The following PACRG variants were observed in gnomAD, a reference collection of about 807,000 sequenced individuals.
PACRG encodes the protein parkin coregulated gene protein.
In PACRG, 29 loss-of-function variants were observed where a neutral mutation model predicts 29.7. The observed-to-expected ratio is 0.98, with a 90% CI of 0.73 to 1.33. The LOEUF (loss-of-function observed/expected upper bound fraction) is 1.33, where lower values mean the gene tolerates loss of function less well. Ranked by LOEUF, PACRG falls within the 40% of genes most tolerant of loss-of-function variation. PACRG has a pLI of 0.00. For missense variants in PACRG, 279 were observed against 316.2 expected (o/e 0.88, Z 0.89); for synonymous variants, 116 against 118.7 (o/e 0.98, Z 0.15).
intron 4 of PACRG, among the ~76,000 whole-genome samples, chr6:163,163,019 A>C (rs1778622995): frequency 2.0e-5 from 3 of 152,190 alleles, no homozygotes. Flanking sequence ...TGCTAATGGA[A>C]TCGTGTCCTA....
chr6:163,102,333 A>T (rs1326518001), intron 4 of PACRG, among the ~76,000 whole-genome samples: 1 of 152,176 alleles, frequency 6.6e-6, no homozygotes, highest in Non-Finnish European at 1.5e-5. Flanking sequence ...TGGCAAAAAG[A>T]GTGCTGTTTA....
At chr6:163,172,492 ACACG>A (rs1285510142) in intron 4 of PACRG, among the ~76,000 whole-genome samples, 1 of 152,250 alleles carries the variant, frequency 6.6e-6, no homozygotes, top group Non-Finnish European at 1.5e-5. Context: ...ATGCACACAC[ACACG>A]CATGCATGCA....
chr6:163,173,631 T>C (rs888994089), intron 4 of PACRG, among the ~76,000 whole-genome samples: 1 of 152,200 alleles, frequency 6.6e-6, no homozygotes, highest in Non-Finnish European at 1.5e-5. Context: ...AAGTGGCATA[T>C]GGTTTTTGCC....
At chr6:163,288,109 T>C (rs1354694470) in intron 4 of PACRG, among the ~76,000 whole-genome samples, 2 of 152,246 alleles carry the variant, frequency 1.3e-5, no homozygotes, top group African/African-American at 2.4e-5. Flanking sequence ...TAATGGCTAG[T>C]TGCAGAAGCT....
intron 2 of PACRG, among the ~76,000 whole-genome samples, chr6:163,010,219 C>A (rs1428745138): frequency 6.6e-6 from 1 of 152,180 alleles, no homozygotes; most frequent in African/African-American, 2.4e-5. Flanking sequence ...ATGAACTGTT[C>A]TTTAATTGTT....
intron 2 of PACRG, among the ~76,000 whole-genome samples, chr6:162,911,792 T>C (rs56309509): frequency 0.049 from 7,529 of 152,212 alleles, 251 homozygotes; most frequent in Admixed American, 0.095. Flanking sequence ...TGCTGTGACC[T>C]AGGGCTAGTG....
chr6:162,744,841 C>G (rs1366950283), intron 1 of PACRG, among the ~76,000 whole-genome samples: 1 of 151,922 alleles, frequency 6.6e-6, no homozygotes, highest in Non-Finnish European at 1.5e-5. Flanking sequence ...CAAAAGAAAA[C>G]AAGTTATAAA....
chr6:162,870,778 A>T (rs1792737894), intron 2 of PACRG, among the ~76,000 whole-genome samples: 1 of 152,208 alleles, frequency 6.6e-6, no homozygotes, highest in Non-Finnish European at 1.5e-5. Flanking sequence ...GAAATTTCTG[A>T]TATAATAAAG....
intron 2 of PACRG, among the ~76,000 whole-genome samples, chr6:162,844,387 A>T (rs755298415): frequency 6.6e-5 from 10 of 152,156 alleles, no homozygotes; most frequent in Admixed American, 6.5e-4. Context: ...CCCCTCTCTG[A>T]CTCCGAAGGG....
intron 1 of PACRG, among the ~76,000 whole-genome samples, chr6:162,755,936 T>A (rs1469882486): frequency 6.6e-6 from 1 of 152,212 alleles, no homozygotes; most frequent in African/African-American, 2.4e-5. Flanking sequence ...TTGTTTAATT[T>A]CTGCATATTT....
At chr6:162,727,754 T>G, upstream of PACRG, 5 of 1,412,580 alleles carry the variant, frequency 3.5e-6, no homozygotes, top group Non-Finnish European at 3.9e-6. Context: ...GCGGCTCTCC[T>G]GGGTTAAATC....
At chr6:162,975,674 A>G (rs1380336728) in intron 2 of PACRG, among the ~76,000 whole-genome samples, 4 of 152,042 alleles carry the variant, frequency 2.6e-5, no homozygotes, top group African/African-American at 9.7e-5. Flanking sequence ...TTTTATATCT[A>G]TTCGAAATTA....
intron 3 of PACRG, among the ~76,000 whole-genome samples, chr6:163,069,159 G>A (rs563651626): frequency 4.3e-4 from 65 of 151,518 alleles, no homozygotes; most frequent in Non-Finnish European, 8.5e-4. Flanking sequence ...AAGTCCTTTC[G>A]AATATCTGAA....
At chr6:163,023,959 A>C (rs1451247111) in intron 2 of PACRG, among the ~76,000 whole-genome samples, 1 of 152,074 alleles carries the variant, frequency 6.6e-6, no homozygotes, top group Non-Finnish European at 1.5e-5. Context: ...TAAGTTCCCT[A>C]GAGATTCTGC....
At chr6:163,151,354 A>T (rs1003193859) in intron 4 of PACRG, among the ~76,000 whole-genome samples, 5 of 152,152 alleles carry the variant, frequency 3.3e-5, no homozygotes, top group Non-Finnish European at 5.9e-5. Context: ...CAAATTCCAC[A>T]GTGTAGACTG....
chr6:162,972,164 G>C (rs1168405622), intron 2 of PACRG, among the ~76,000 whole-genome samples: 1 of 152,146 alleles, frequency 6.6e-6, no homozygotes, highest in African/African-American at 2.4e-5. Flanking sequence ...TTCAAGACCT[G>C]GCTTCCCTTA....
At chr6:162,864,680 A>G (rs1465618318) in intron 2 of PACRG, among the ~76,000 whole-genome samples, 1 of 152,226 alleles carries the variant, frequency 6.6e-6, no homozygotes, top group East Asian at 1.9e-4. Flanking sequence ...TTTCACTAAA[A>G]TAAACTTTCA....
At chr6:162,733,172 T>A (rs998473699) in intron 1 of PACRG, among the ~76,000 whole-genome samples, 1 of 152,172 alleles carries the variant, frequency 6.6e-6, no homozygotes, top group African/African-American at 2.4e-5. Flanking sequence ...TCAAGAAGCT[T>A]ATATTTTTGT....
chr6:163,107,556 A>G (rs1815452431), intron 4 of PACRG, among the ~76,000 whole-genome samples: 4 of 152,212 alleles, frequency 2.6e-5, no homozygotes, highest in African/African-American at 7.2e-5. Flanking sequence ...CTTAACTAAT[A>G]CAATTTCAAT....
Sources: gnomAD v4.1 joint callset for allele counts (sites outside exome capture counted in the v4.1 genomes callset) on GRCh38, gnomAD v4.1.1 for gene constraint, MANE v1.5 for transcripts, NCBI Gene and HGNC (gene_info 2026-07-23, HGNC 2026-07-21) for gene names.